FRMD6: variants seen among roughly 807,000 people sequenced by gnomAD.
FRMD6 encodes FERM domain containing 6.
In FRMD6, 37 loss-of-function variants were observed where a neutral mutation model predicts 73.2. The observed-to-expected ratio is 0.51, with a 90% CI of 0.39 to 0.66. FRMD6 has a LOEUF of 0.66. FRMD6 is among the 30% of genes least tolerant of loss of function. FRMD6 has a pLI of 0.00. For missense variants in FRMD6, 714 were observed against 780.5 expected (o/e 0.91, Z 1.02); for synonymous variants, 273 against 282.2 (o/e 0.97, Z 0.33).
chr14:51,396,513 TGCCACGGAGCTGTACA>T, the FRMD6 span, among the ~76,000 whole-genome samples: 1 of 152,212 alleles, frequency 6.6e-6, no homozygotes, highest in Admixed American at 6.5e-5. Flanking sequence ...GTGCCTGTGC[TGCCACGGAGCTGTACA>T]GCCACGGAAC....
intron 1 of FRMD6, among the ~76,000 whole-genome samples, chr14:51,496,506 T>A (rs1883301855): frequency 6.6e-6 from 1 of 152,186 alleles, no homozygotes; most frequent in African/African-American, 2.4e-5. Flanking sequence ...CTCTAACTTC[T>A]GTGATTTTCT....
intron 2 of FRMD6, among the ~76,000 whole-genome samples, chr14:51,617,217 C>T (rs1890750753): frequency 6.6e-6 from 1 of 152,124 alleles, no homozygotes; most frequent in Non-Finnish European, 1.5e-5. Flanking sequence ...TTTTTACCTA[C>T]CTTTGGAATG....
the FRMD6 span, among the ~76,000 whole-genome samples, chr14:51,453,767 A>G: frequency 6.6e-6 from 1 of 152,220 alleles, no homozygotes; most frequent in Non-Finnish European, 1.5e-5. Context: ...CAGGCATTAA[A>G]ATACTAAAAG....
chr14:51,431,956 T>C, the FRMD6 span, among the ~76,000 whole-genome samples: 5 of 152,174 alleles, frequency 3.3e-5, no homozygotes, highest in African/African-American at 1.2e-4. Flanking sequence ...ATAAGGCTTG[T>C]ACAGTTACTG....
upstream of FRMD6, among the ~76,000 whole-genome samples, chr14:51,486,559 A>G (rs1882764132): frequency 6.6e-6 from 1 of 152,234 alleles, no homozygotes; most frequent in African/African-American, 2.4e-5. Flanking sequence ...GAAAACATAG[A>G]AAAAATAAAA....
At chr14:51,699,627 G>T (rs187665995) in intron 3 of FRMD6, among the ~76,000 whole-genome samples, 1 of 151,932 alleles carries the variant, frequency 6.6e-6, no homozygotes, top group Non-Finnish European at 1.5e-5. Context: ...CAGTTTTTTC[G>T]CGTCAAATGG....
At chr14:51,466,885 A>G in the FRMD6 span, among the ~76,000 whole-genome samples, 11 of 151,938 alleles carry the variant, frequency 7.2e-5, no homozygotes, top group Non-Finnish European at 1.2e-4. Flanking sequence ...ATATCTTTCT[A>G]TTTTAGCCTC....
intron 1 of FRMD6, chr14:51,491,614 C>T (rs1324415742): frequency 6.6e-6 from 1 of 152,130 alleles, no homozygotes; most frequent in Admixed American, 6.6e-5. Flanking sequence ...ACTGGTATCC[C>T]CATTTCATAG....
At chr14:51,586,319 C>T (rs1040491369) in intron 2 of FRMD6, among the ~76,000 whole-genome samples, 7 of 152,020 alleles carry the variant, frequency 4.6e-5, no homozygotes, top group Admixed American at 6.6e-5. Flanking sequence ...TCAATTTGCA[C>T]GTCTCTGGTG....
upstream of FRMD6, among the ~76,000 whole-genome samples, chr14:51,486,914 A>T (rs894728099): frequency 2.0e-5 from 3 of 150,612 alleles, no homozygotes; most frequent in Non-Finnish European, 2.9e-5. Context: ...AAGTTTCAGG[A>T]TAGTATATAG....
chr14:51,530,501 G>T (rs1052040175), intron 1 of FRMD6, among the ~76,000 whole-genome samples: 1 of 152,054 alleles, frequency 6.6e-6, no homozygotes, highest in Non-Finnish European at 1.5e-5. Flanking sequence ...TTTAATTTGA[G>T]ACAGGGTCTT....
chr14:51,675,403 C>T lies in FRMD6; in HGVS notation c.-146-14288C>T, dbSNP rs199571994. On this transcript the variant is annotated intron_variant, in intron 1 of 13. Coordinates refer to ENST00000344768, the MANE Select transcript of FRMD6 (RefSeq NM_001267046.2). The stretch of plus-strand genomic sequence containing the variant: ...CTGTAGATCTCTGATTAATGGAAGG[C>T]TTTGTTAGGATAGAAGTGTCTTTTA... 2.6e-5 allele frequency among the ~76,000 whole-genome samples: 4 copies of T among 151,970 alleles called. No homozygotes were observed. The East Asian group carries it at 5.8e-4, about 22-fold the overall frequency.
chr14:51,624,179 TA>T (rs1039591275), intron 2 of FRMD6, among the ~76,000 whole-genome samples: 1 of 151,914 alleles, frequency 6.6e-6, no homozygotes, highest in African/African-American at 2.4e-5. Flanking sequence ...AGAGGATCAG[TA>T]AAAATAATTA....
chr14:51,715,534 A>G (rs1440994537), intron 10 of FRMD6, 35 bp downstream of exon 10: 3 of 1,520,650 alleles, frequency 2.0e-6, no homozygotes, highest in African/African-American at 2.8e-5. Flanking sequence ...AGCAAATTGT[A>G]CCTTTGCCAC....
At chr14:51,520,581 A>G (rs1043427747) in intron 1 of FRMD6, among the ~76,000 whole-genome samples, 2 of 152,228 alleles carry the variant, frequency 1.3e-5, no homozygotes, top group Admixed American at 6.5e-5. Flanking sequence ...TGATATATCC[A>G]TACCATGAAA....
At chr14:51,724,221 A>C (rs961844969) in intron 12 of FRMD6, 2 of 152,148 alleles carry the variant, frequency 1.3e-5, no homozygotes, top group African/African-American at 4.8e-5. Flanking sequence ...AAAAAAAAAA[A>C]AACACTCAGC....
intron 1 of FRMD6, among the ~76,000 whole-genome samples, chr14:51,517,098 T>G (rs1449748061): frequency 1.3e-5 from 2 of 152,258 alleles, no homozygotes; most frequent in African/African-American, 4.8e-5. Context: ...GTTGTATACT[T>G]TAAGTGTTAT....
In FRMD6 at chr14:51,614,229, G is replaced by GT. The variant is rs569909045; in HGVS notation, c.-147+43827dup. Among the ~76,000 whole-genome samples, 119 of 151,190 alleles carry GT rather than the reference G, an allele frequency of 7.9e-4. 2 individuals carry two copies. Among genetic ancestry groups the GT allele is most frequent in the South Asian group, 1.7e-3 (8 of 4,764 alleles). On this transcript the variant is annotated intron_variant, in intron 2 of 14. Transcript: ENST00000356218. Reference sequence around the variant, plus strand: ...GGTTGGTTGGTTTTTTTGTTTTTTTGTTTTTTTTGCCTGATTCTAGAAATA... The same window carrying GT: ...GGTTGGTTGGTTTTTTTGTTTTTTTGTTTTTTTTTGCCTGATTCTAGAAATA...
At chr14:51,705,849 T>G (rs1020102418) in intron 6 of FRMD6, among the ~76,000 whole-genome samples, 2 of 152,166 alleles carry the variant, frequency 1.3e-5, no homozygotes, top group African/African-American at 2.4e-5. Flanking sequence ...TTGCTTTATA[T>G]TAACATATCC....
Sources: allele counts gnomAD v4.1 joint callset (sites outside exome capture counted in the v4.1 genomes callset), GRCh38; gene constraint gnomAD v4.1.1; transcripts MANE v1.5; gene names NCBI Gene and HGNC (gene_info 2026-07-23, HGNC 2026-07-21).